Variants in JAKMIP1 observed in about 807,000 individuals in gnomAD.
JAKMIP1 encodes janus kinase and microtubule-interacting protein 1.
JAKMIP1 carries 33 observed loss-of-function variants against 113.0 expected under a neutral mutation model. The ratio of observed to expected loss-of-function variants is 0.29; its 90% confidence interval spans 0.22 to 0.39. JAKMIP1 has a LOEUF of 0.39. Ranked by LOEUF, JAKMIP1 falls within the 10% of genes least tolerant of loss-of-function variation. The pLI is 1.00. For missense variants in JAKMIP1, 813 were observed against 1,080.5 expected (o/e 0.75, Z 3.47); for synonymous variants, 480 against 459.9 (o/e 1.04, Z -0.56).
In JAKMIP1 at chr4:6,065,026, T is replaced by C; in HGVS notation, c.1303-18A>G. 1 of 1,614,068 alleles carries C rather than the reference T, an allele frequency of 6.2e-7. No homozygotes were observed. The stretch of plus-strand genomic sequence containing the variant: ...ACATGCTTCTGTAAAACGCAATTTG[T>C]ATGATGTTAGCAACGACTGAGGATT... On this transcript the variant is annotated intron_variant, in intron 8 of 20. Transcript: ENST00000409021. This position sits in a 1 kb window ranked among gnomAD's most constrained non-coding sequence, Gnocchi z 5.1.
At position 6,105,742 on chromosome 4, in the gene JAKMIP1, C is replaced by G. The variant is rs981794917; in HGVS notation, c.355G>C (p.Val119Leu). The change falls in exon 3 of 21, where the codon GTG becomes CTG. Residue 119 changes from valine (V) to leucine (L), a missense_variant. Around this residue, in one of 2 missense-constraint regions of JAKMIP1, gnomAD observed 540 missense variants for 653.9 expected, o/e 0.83. Coordinates refer to ENST00000409021, the MANE Select transcript of JAKMIP1 (RefSeq NM_001099433.2). ...TTGTCGGCCGCGCCGTCGCGCAGCACGTTCAGCGTGGCCTGCAGCCGCTGC... is the reference window on the plus strand; with the variant it reads ...TTGTCGGCCGCGCCGTCGCGCAGCAGGTTCAGCGTGGCCTGCAGCCGCTGC... ...ELQRLQATLNVLRDGAADKVK... is the reference protein window; with the variant it reads ...ELQRLQATLNLLRDGAADKVK... 3 of 1,602,304 alleles carry G rather than the reference C, an allele frequency of 1.9e-6. No individual in the cohort carries two copies. The African/African-American group carries it at 4.0e-5, about 21-fold the overall frequency.
In JAKMIP1 at chr4:6,139,697, C is replaced by T. The variant is rs954110189; in HGVS notation, c.-147-26700G>A. 2.4e-4 allele frequency among the ~76,000 whole-genome samples: 37 copies of T among 152,044 alleles called. No homozygotes were observed. The highest frequency in any genetic ancestry group is 7.9e-4 in the Admixed American group (12 of 15,270). On this transcript the variant is annotated intron_variant, in intron 1 of 20. Coordinates refer to ENST00000409021, the MANE Select transcript of JAKMIP1 (RefSeq NM_001099433.2). The surrounding 1 kb of genome is among the most constrained non-coding windows in gnomAD (Gnocchi z 5.2). The stretch of plus-strand genomic sequence containing the variant: ...AGGAGAATCGCCTGAACCCAGGAGG[C>T]GGAGGTTGCAGTGAGCCAAGACCAT...
chr4:6,172,039 T>G (rs2109024655), intron 1 of JAKMIP1, among the ~76,000 whole-genome samples: 1 of 152,336 alleles, frequency 6.6e-6, no homozygotes, highest in South Asian at 2.1e-4. Flanking sequence ...TGATTGTTGT[T>G]CCCTGGACAC....
At chr4:6,054,906 C>T (rs140101911) in intron 12 of JAKMIP1, 66 of 455,132 alleles carry the variant, frequency 1.5e-4, no homozygotes, top group African/African-American at 1.2e-3. Flanking sequence ...CCCCGGGAGA[C>T]CTTTAGAAAT....
At position 6,086,486 on chromosome 4, in the gene JAKMIP1, C is replaced by T. The variant is rs923765131; in HGVS notation, c.625-857G>A. Among the ~76,000 whole-genome samples the T allele has an allele frequency of 2.0e-5, 3 of 151,976 alleles. No individual in the cohort carries two copies. Among genetic ancestry groups the T allele is most frequent in the Non-Finnish European group, 4.4e-5 (3 of 68,002 alleles). On this transcript the variant is annotated intron_variant, in intron 3 of 20. Coordinates refer to ENST00000409021, the MANE Select transcript of JAKMIP1 (RefSeq NM_001099433.2). The surrounding 1 kb of genome is among the most constrained non-coding windows in gnomAD (Gnocchi z 4.1). Reference sequence around the variant, plus strand: ...AACCTGAACTTAATCTTCAGTTCACCCCCAGCCCTGTCTTGTCCAGCCTTC... The same window carrying T: ...AACCTGAACTTAATCTTCAGTTCACTCCCAGCCCTGTCTTGTCCAGCCTTC...
intron 1 of JAKMIP1, among the ~76,000 whole-genome samples, chr4:6,152,158 AGT>A (rs1721644238): frequency 6.6e-6 from 1 of 152,208 alleles, no homozygotes; most frequent in East Asian, 1.9e-4. Flanking sequence ...ACAGAGAGAG[AGT>A]GAGAGAGAGC....
At chr4:6,077,385 G>C (rs1017739298) in intron 8 of JAKMIP1, among the ~76,000 whole-genome samples, 3 of 152,020 alleles carry the variant, frequency 2.0e-5, no homozygotes, top group African/African-American at 7.2e-5. Context: ...GAAAGGAGGG[G>C]TCTGCTACGG....
chr4:6,112,294 C>T (rs1715063548), intron 2 of JAKMIP1, among the ~76,000 whole-genome samples: 1 of 152,204 alleles, frequency 6.6e-6, no homozygotes, highest in Admixed American at 6.5e-5. Flanking sequence ...TGTAACTGAT[C>T]AAGTAGCCTC....
intron 3 of JAKMIP1, among the ~76,000 whole-genome samples, chr4:6,096,853 A>C (rs1711877833): frequency 6.6e-6 from 1 of 152,246 alleles, no homozygotes; most frequent in Admixed American, 6.5e-5. Context: ...CATATAGCTG[A>C]AAGGTAATTT....
chr4:6,112,950 G>T lies in JAKMIP1; in HGVS notation c.-100C>A. ...ACCAGCTCCACCGTGCTAACCAGTC[G>T]CGCAGGACTCAGCTCGCCCTCCGAG... On this transcript the variant is annotated 5_prime_UTR_variant, in exon 2 of 21. Transcript: ENST00000409021. 1 of 1,474,746 alleles carries T rather than the reference G, an allele frequency of 6.8e-7. No homozygotes were observed. The highest frequency in any genetic ancestry group is 2.2e-5 in the Admixed American group (1 of 45,160). The allele number at this position is 1,474,746 out of a possible 1,614,324, so 91.4% of individuals were successfully genotyped here. A position where few individuals can be genotyped will look rare whatever the true frequency, so the allele number is the denominator to read the frequency against.
In JAKMIP1 at chr4:6,138,280, C is replaced by T. The variant is rs1182837182; in HGVS notation, c.-147-25283G>A. 6.6e-6 allele frequency among the ~76,000 whole-genome samples: 1 copy of T among 152,128 alleles called. No homozygotes were observed. Among genetic ancestry groups the T allele is most frequent in the Non-Finnish European group, 1.5e-5 (1 of 68,024 alleles). ...TTTATTTTTTTGAGACAGAGTCTCA[C>T]TCTGTCACCCAGGCTGGAGTGCAGT... On this transcript the variant is annotated intron_variant, in intron 1 of 20. Transcript: ENST00000409021. This position sits in a 1 kb window ranked among gnomAD's most constrained non-coding sequence, Gnocchi z 6.0.
At position 6,086,320 on chromosome 4, in the gene JAKMIP1, C is replaced by T. The variant is rs527436974; in HGVS notation, c.625-691G>A. ...TCCCAGGCAGCCAGGTCCTCCCCGA[C>T]GGTATCAACCCCACATATGCAGCAG... On this transcript the variant is annotated intron_variant, in intron 3 of 20. Coordinates refer to ENST00000409021, the MANE Select transcript of JAKMIP1 (RefSeq NM_001099433.2). This position sits in a 1 kb window ranked among gnomAD's most constrained non-coding sequence, Gnocchi z 4.1. Among the ~76,000 whole-genome samples, 86 of 152,236 alleles carry T rather than the reference C, an allele frequency of 5.6e-4. No homozygotes were observed. The highest frequency in any genetic ancestry group is 1.7e-3 in the African/African-American group (70 of 41,556).
chr4:6,056,809 TC>T, intron 11 of JAKMIP1, 50 bp from the exon 12 acceptor site: 1 of 1,275,464 alleles, frequency 7.8e-7, no homozygotes, highest in Admixed American at 1.7e-5. Context: ...AAACAGATGG[TC>T]AAGTAACAAA....
intron 1 of JAKMIP1, among the ~76,000 whole-genome samples, chr4:6,174,851 C>A (rs2109029204): frequency 6.6e-6 from 1 of 152,088 alleles, no homozygotes; most frequent in East Asian, 1.9e-4. Flanking sequence ...CTGTTTTGCA[C>A]CCTGGCCCCT....
intron 2 of JAKMIP1, among the ~76,000 whole-genome samples, chr4:6,107,962 G>A (rs910331016): frequency 2.0e-5 from 3 of 152,136 alleles, no homozygotes; most frequent in African/African-American, 7.2e-5. Context: ...TTCTGCATCA[G>A]GGGTGGGCAG....
intron 3 of JAKMIP1, among the ~76,000 whole-genome samples, chr4:6,098,582 G>GAAAGAAAGAAAGAAAGAAAGA (rs1350611417): frequency 7.6e-6 from 1 of 132,274 alleles, no homozygotes; most frequent in African/African-American, 2.8e-5. Context: ...AAGAAAGAAA[G>GAAAGAAAGAAAGAAAGAAAGA]AAGGAAAGGA....
At chr4:6,032,174 C>G (rs1457000639) in intron 19 of JAKMIP1, among the ~76,000 whole-genome samples, 2 of 152,168 alleles carry the variant, frequency 1.3e-5, no homozygotes. Flanking sequence ...CCCCATGACA[C>G]CGAGGGTGAA....
chr4:6,070,290 C>A, intron 8 of JAKMIP1: 1 of 391,886 alleles, frequency 2.6e-6, no homozygotes, highest in Non-Finnish European at 4.5e-6. Context: ...CCACGCACTC[C>A]CCTTTCCTCT....
intron 1 of JAKMIP1, among the ~76,000 whole-genome samples, chr4:6,119,317 G>A (rs1290623652): frequency 2.0e-5 from 3 of 152,114 alleles, no homozygotes; most frequent in Non-Finnish European, 2.9e-5. Flanking sequence ...GCCGAGGCAG[G>A]TGGATCACCT....
Sources: gnomAD v4.1 joint callset for allele counts (sites outside exome capture counted in the v4.1 genomes callset) on GRCh38, gnomAD v4.1.1 for gene constraint, gnomAD v4.1.1 regional missense constraint, Gnocchi (gnomAD v3.1) non-coding constraint, MANE v1.5 for transcripts, NCBI Gene and HGNC (gene_info 2026-07-23, HGNC 2026-07-21) for gene names.